CUX1: variants seen among roughly 807,000 people sequenced by gnomAD.
The protein encoded by CUX1 is protein CASP.
Under a neutral mutation model 158.8 loss-of-function variants are expected in CUX1, and 31 were observed. The observed-to-expected ratio is 0.20, with a 90% CI of 0.15 to 0.26. The LOEUF is 0.26. Ranked by LOEUF, CUX1 falls within the 10% of genes least tolerant of loss-of-function variation. CUX1 has a pLI of 1.00. For missense variants in CUX1, 1,589 were observed against 2,014.6 expected (o/e 0.79, Z 4.04); for synonymous variants, 879 against 862.1 (o/e 1.02, Z -0.34).
chr7:101,857,541 G>GGGTTTCACCCGTTGAGGATGA (rs1796991025), intron 1 of CUX1, among the ~76,000 whole-genome samples: 1 of 152,186 alleles, frequency 6.6e-6, no homozygotes, highest in African/African-American at 2.4e-5. Context: ...AGCGAGGATG[G>GGGTTTCACCCGTTGAGGATGA]GGTTTCACCC....
At chr7:101,980,021 C>T (rs1189948153) in intron 2 of CUX1, among the ~76,000 whole-genome samples, 1 of 152,136 alleles carries the variant, frequency 6.6e-6, no homozygotes, top group Admixed American at 6.5e-5. Flanking sequence ...GAGTACAGGC[C>T]CAGGGCTGGG....
chr7:102,065,324 C>T (rs1459737122), intron 3 of CUX1, among the ~76,000 whole-genome samples: 1 of 152,158 alleles, frequency 6.6e-6, no homozygotes, highest in African/African-American at 2.4e-5. Context: ...AAGCCCTCCT[C>T]CCACCTCAGT....
Position 102,253,884 on chromosome 7 carries a change from C to T in CUX1, c.*4842C>T. ...TGTGCTGCCGGTGGGGGGCCCTGTC[C>T]CTCCCCAGATGTCCTCCCTCTTCTT... On this transcript the variant is annotated 3_prime_UTR_variant, in exon 24 of 24. Transcript: ENST00000292535. 1.0e-6 allele frequency: 1 copy of T among 985,640 alleles called. No individual in the cohort carries two copies. Among genetic ancestry groups the T allele is most frequent in the Non-Finnish European group, 1.2e-6 (1 of 830,190 alleles). The allele number at this position is 985,640 out of a possible 1,614,324, so 61.1% of individuals were successfully genotyped here. A position where few individuals can be genotyped will look rare whatever the true frequency, so the allele number is the denominator to read the frequency against.
intron 1 of CUX1, among the ~76,000 whole-genome samples, chr7:101,913,618 G>T (rs1692413803): frequency 6.6e-6 from 1 of 152,144 alleles, no homozygotes; most frequent in South Asian, 2.1e-4. Context: ...TAGATGAGAA[G>T]TTGGGGGTCG....
Position 102,082,128 on chromosome 7 carries a change from C to A in CUX1, c.268+11711C>A, listed in dbSNP as rs782237911. ...AGTCCAAGCCACCAGTCTCTGTCACCTCACTGCACTCACACCTCCACCTAA... is the reference window on the plus strand; with the variant it reads ...AGTCCAAGCCACCAGTCTCTGTCACATCACTGCACTCACACCTCCACCTAA... On this transcript the variant is annotated intron_variant, in intron 4 of 23. Transcript: ENST00000292535. Among the ~76,000 whole-genome samples, 13 of 147,230 alleles carry A rather than the reference C, an allele frequency of 8.8e-5. 1 individual carries two copies. The highest frequency in any genetic ancestry group is 1.8e-4 in the Non-Finnish European group (12 of 65,226).
chr7:101,953,175 C>G (rs1809314323), intron 2 of CUX1, among the ~76,000 whole-genome samples: 1 of 152,186 alleles, frequency 6.6e-6, no homozygotes, highest in Non-Finnish European at 1.5e-5. Context: ...TTCCTCTTCT[C>G]CCCCAACTGT....
intron 1 of CUX1, among the ~76,000 whole-genome samples, chr7:101,819,502 G>C (rs1393790497): frequency 6.6e-6 from 1 of 152,192 alleles, no homozygotes; most frequent in African/African-American, 2.4e-5. Context: ...CAGTTTTGCT[G>C]AAAGTCCATT....
chr7:102,267,414 A>T (rs1554545303), intron 14 of CUX1, among the ~76,000 whole-genome samples: 2 of 151,982 alleles, frequency 1.3e-5, no homozygotes, highest in African/African-American at 4.8e-5. Flanking sequence ...CATGCCTGTA[A>T]TCCCAGCTGC....
At chr7:102,128,710 C>T (rs548530516) in intron 8 of CUX1, among the ~76,000 whole-genome samples, 1 of 151,968 alleles carries the variant, frequency 6.6e-6, no homozygotes, top group African/African-American at 2.4e-5. Context: ...AAGAATGCCA[C>T]GCCTCACCTG....
chr7:101,918,601 C>T (rs1001664903), intron 2 of CUX1, among the ~76,000 whole-genome samples: 4 of 152,214 alleles, frequency 2.6e-5, no homozygotes, highest in Admixed American at 2.0e-4. Flanking sequence ...GCATGCGGTC[C>T]TGGGGAGGTG....
At chr7:101,872,667 G>A (rs374863784) in intron 1 of CUX1, among the ~76,000 whole-genome samples, 1 of 151,872 alleles carries the variant, frequency 6.6e-6, no homozygotes, top group Admixed American at 6.6e-5. Flanking sequence ...TACACTATCT[G>A]TTTTTGTGTG....
rs563958785 is a variant in CUX1, at chr7:101,991,893, C to T, written c.142-36205C>T. The stretch of plus-strand genomic sequence containing the variant: ...TCTGGGCAACATAGCAAGACCTCAT[C>T]TCTACAAAAAATAAAAAATTAGCAG... On this transcript the variant is annotated intron_variant, in intron 2 of 23. Coordinates refer to ENST00000292535, the MANE Select transcript of CUX1 (RefSeq NM_181552.4). 5.9e-5 allele frequency among the ~76,000 whole-genome samples: 9 copies of T among 152,172 alleles called. 1 individual carries two copies. The South Asian group carries it at 1.7e-3, about 28-fold the overall frequency.
Position 102,248,645 on chromosome 7 carries a change from A to T in CUX1, c.4121A>T (p.Glu1374Val). ...GTGCCGCGGCCGGCGGAGCAGACGG[A>T]GCCGCCGCCCTCGGGGACCCCGGGC... ...EEVPRPAEQT[E>V]PPPSGTPGPD... Residue 1374 changes from glutamate (E) to valine (V), a missense_variant, in exon 24 of 24, where the codon GAG becomes GTG. Transcript: ENST00000292535. The surrounding 1 kb of genome is among the most constrained non-coding windows in gnomAD (Gnocchi z 5.8). 7.2e-7 allele frequency: 1 copy of T among 1,381,170 alleles called. No individual in the cohort carries two copies. The highest frequency in any genetic ancestry group is 9.3e-7 in the Non-Finnish European group (1 of 1,071,152). 85.6% of individuals were successfully genotyped at this position (1,381,170 alleles called of 1,614,324 possible).
chr7:101,854,768 G>A (rs1043152305), intron 1 of CUX1, among the ~76,000 whole-genome samples: 5 of 151,894 alleles, frequency 3.3e-5, no homozygotes, highest in South Asian at 2.1e-4. Flanking sequence ...TTTTTGAGAT[G>A]AAGTCTCACT....
At chr7:101,981,153 C>G (rs1333386380) in intron 2 of CUX1, among the ~76,000 whole-genome samples, 1 of 151,996 alleles carries the variant, frequency 6.6e-6, no homozygotes, top group Admixed American at 6.6e-5. Flanking sequence ...ATGAATACCC[C>G]CCGTTTTGTG....
Position 102,251,787 on chromosome 7 carries a change from G to GA in CUX1, c.*2749dup. 6.1e-6 allele frequency: 6 copies of GA among 985,354 alleles called. No individual in the cohort carries two copies. Among genetic ancestry groups the GA allele is most frequent in the Non-Finnish European group, 7.2e-6 (6 of 829,900 alleles). The allele number at this position is 985,354 out of a possible 1,614,324, so 61.0% of individuals were successfully genotyped here. A position where few individuals can be genotyped will look rare whatever the true frequency, so the allele number is the denominator to read the frequency against. ...AATATCGTCTAATTTTCATAAGAAT[G>GA]AAAAGAAGTTAACAGGAAATAGTAG... On this transcript the variant is annotated 3_prime_UTR_variant, in exon 24 of 24. Coordinates refer to ENST00000292535, the MANE Select transcript of CUX1 (RefSeq NM_181552.4).
intron 3 of CUX1, among the ~76,000 whole-genome samples, chr7:102,054,788 T>A (rs1473469147): frequency 6.6e-6 from 1 of 152,114 alleles, no homozygotes; most frequent in Non-Finnish European, 1.5e-5. Context: ...GACAATATAA[T>A]GAGATCTCAT....
At chr7:102,232,906 C>A (rs983497896) in intron 21 of CUX1, among the ~76,000 whole-genome samples, 3 of 152,320 alleles carry the variant, frequency 2.0e-5, no homozygotes, top group Admixed American at 6.5e-5. Context: ...GAATTGGAAT[C>A]GGCCGGCCTC....
intron 2 of CUX1, among the ~76,000 whole-genome samples, chr7:101,925,969 C>A (rs967770157): frequency 6.6e-6 from 1 of 151,886 alleles, no homozygotes; most frequent in Non-Finnish European, 1.5e-5. Flanking sequence ...AAACAAAAAA[C>A]CTAAACTAAA....
Sources: gnomAD v4.1 joint callset for allele counts (sites outside exome capture counted in the v4.1 genomes callset) on GRCh38, gnomAD v4.1.1 for gene constraint, Gnocchi (gnomAD v3.1) non-coding constraint, MANE v1.5 for transcripts, NCBI Gene and HGNC (gene_info 2026-07-23, HGNC 2026-07-21) for gene names.